Variants in SHROOM4 observed in about 807,000 individuals in gnomAD.
SHROOM4 encodes shroom family member 4, also known as protein Shroom4.
Under a neutral mutation model 80.3 loss-of-function variants are expected in SHROOM4, and 17 were observed. The ratio of observed to expected loss-of-function variants is 0.21; its 90% CI spans 0.14 to 0.32. The LOEUF (loss-of-function observed/expected upper bound fraction) is 0.32, where lower values mean the gene tolerates loss of function less well. Among genes scored for constraint, SHROOM4 ranks in the 10% least tolerant of loss-of-function variants. SHROOM4 has a pLI of 1.00. For synonymous variants in SHROOM4, 400 were observed against 437.5 expected, an observed-to-expected ratio of 0.91 and a Z score of 1.07; for missense variants, 993 against 1,140.3, an observed-to-expected ratio of 0.87 and a Z score of 1.86.
intron 5 of SHROOM4, among the ~76,000 whole-genome samples, chrX:50,618,366 T>C (rs1442158066): frequency 1.7e-4 from 6 of 34,513 alleles, no homozygotes; most frequent in Admixed American, 3.3e-4. Context: ...CTTCCTTCCT[T>C]CCTTCCTTCC....
At position 50,750,237 on chromosome X, in the gene SHROOM4, A is replaced by G. The variant is rs1157438259; in HGVS notation, c.118-54300T>C. ...CATGCGTTTCCAGCAGGAAGTGTCC[A>G]AAGGGCTTCAGTCAGGAATCCTTAC... is the stretch of plus-strand genomic sequence containing the variant. On this transcript the variant is annotated intron_variant, in intron 1 of 8. Transcript: ENST00000376020. 3.6e-5 allele frequency among the ~76,000 whole-genome samples: 4 copies of G among 112,036 alleles called. No individual in the cohort carries two copies. The East Asian group carries it at 1.1e-3, about 32-fold the overall frequency.
chrX:50,651,329 C>G (rs1303661424), intron 2 of SHROOM4, among the ~76,000 whole-genome samples: 1 of 112,186 alleles, frequency 8.9e-6, no homozygotes, highest in East Asian at 2.8e-4. Flanking sequence ...CCATTTCATT[C>G]TCATAACCTT....
At chrX:50,734,416 CTTAT>C (rs1474585437) in intron 1 of SHROOM4, among the ~76,000 whole-genome samples, 1 of 110,368 alleles carries the variant, frequency 9.1e-6, no homozygotes, top group Non-Finnish European at 1.9e-5. Flanking sequence ...TTTCTTTTTT[CTTAT>C]TTATTTATTT....
At chrX:50,584,804 A>G (rs1419474256), downstream of SHROOM4, among the ~76,000 whole-genome samples, 4 of 111,011 alleles carry the variant, frequency 3.6e-5, no homozygotes, top group African/African-American at 1.3e-4. Context: ...GGAGGGGAAA[A>G]TCAAATGTTT....
rs375515632 is a variant in SHROOM4 at position 50,695,750 on chromosome X, C to G, written c.269+36G>C. The G allele has an allele frequency of 1.7e-5, 21 of 1,201,874 alleles. No homozygotes were observed. In the African/African-American group the frequency reaches 3.2e-4, roughly 18 times the overall value. On this transcript the variant is annotated intron_variant, in intron 2 of 8. Coordinates refer to ENST00000376020, the MANE Select transcript of SHROOM4 (RefSeq NM_020717.5). ...TTTATTACCAACCAAGTTTCAGTGGCCTCTGCACCTTACGGAGAATCTCCC... is the reference window on the plus strand; with the variant it reads ...TTTATTACCAACCAAGTTTCAGTGGGCTCTGCACCTTACGGAGAATCTCCC...
chrX:50,607,964 C>T lies in SHROOM4; in HGVS notation c.3178G>A (p.Glu1060Lys), dbSNP rs1168007152. ...PHPLRSRAFS[E>K]SHISLAPQST... The stretch of plus-strand genomic sequence containing the variant: ...TGGGGCGCCAAGCTGATGTGACTCT[C>T]TGAGAAGGCACGGCTGCGCAGTGGG... The change falls in exon 6 of 9, where the codon GAG (glutamate) becomes AAG (lysine). Residue 1060 changes from glutamate (E) to lysine (K), a missense_variant. By Grantham distance (56) the Glu-to-Lys change is moderately conservative. Transcript: ENST00000376020. The T allele has an allele frequency of 8.3e-7, 1 of 1,210,271 alleles. No individual in the cohort carries two copies. Among genetic ancestry groups the T allele is most frequent in the Non-Finnish European group, 1.1e-6 (1 of 895,338 alleles).
intron 1 of SHROOM4, among the ~76,000 whole-genome samples, chrX:50,760,640 A>AT (rs1214676469): frequency 7.3e-5 from 8 of 109,969 alleles, no homozygotes; most frequent in Non-Finnish European, 1.1e-4. Context: ...ACCTGACAAC[A>AT]TTTTTTTTTG....
intron 1 of SHROOM4, among the ~76,000 whole-genome samples, chrX:50,772,034 GTGTGTA>G (rs1400941988): frequency 4.0e-5 from 4 of 100,712 alleles, no homozygotes; most frequent in Non-Finnish European, 8.5e-5. Context: ...GTGTGTGTGT[GTGTGTA>G]TAAACATGGA....
At chrX:50,707,281 T>C (rs1054345087) in intron 1 of SHROOM4, among the ~76,000 whole-genome samples, 54 of 112,159 alleles carry the variant, frequency 4.8e-4, no homozygotes, top group African/African-American at 1.6e-3. Context: ...GTTCAGTGGG[T>C]TTAGTATTTT....
At chrX:50,605,401 T>C (rs781994658) in intron 6 of SHROOM4, among the ~76,000 whole-genome samples, 3 of 112,507 alleles carry the variant, frequency 2.7e-5, no homozygotes, top group Non-Finnish European at 3.8e-5. Context: ...CAAAGGAGCA[T>C]CTAATTGATT....
chrX:50,630,120 C>T (rs1557253837), intron 4 of SHROOM4, among the ~76,000 whole-genome samples: 1 of 111,177 alleles, frequency 9.0e-6, no homozygotes, highest in African/African-American at 3.3e-5. Flanking sequence ...CACAGCCTCA[C>T]CCGCATGCAT....
rs143023141 is a variant in SHROOM4, at chrX:50,747,140, C to G, written c.118-51203G>C. 7.1e-3 allele frequency among the ~76,000 whole-genome samples: 791 copies of G among 111,867 alleles called. 11 individuals are homozygous for G. Among genetic ancestry groups the G allele is most frequent in the African/African-American group, 0.025 (767 of 30,753 alleles). ...GAGAAACTGAAACTCAGATCTGACACTTAGGTTACCCTCTATCCACTGTAC... is the reference window on the plus strand; with the variant it reads ...GAGAAACTGAAACTCAGATCTGACAGTTAGGTTACCCTCTATCCACTGTAC... On this transcript the variant is annotated intron_variant, in intron 1 of 8. Coordinates refer to ENST00000376020, the MANE Select transcript of SHROOM4 (RefSeq NM_020717.5).
intron 1 of SHROOM4, among the ~76,000 whole-genome samples, chrX:50,729,352 G>A (rs1457349065): frequency 9.0e-6 from 1 of 111,637 alleles, no homozygotes; most frequent in East Asian, 2.8e-4. Flanking sequence ...TAGCATTCTG[G>A]AGTTGAAAAT....
At chrX:50,798,715 A>C (rs1557272325) in intron 1 of SHROOM4, among the ~76,000 whole-genome samples, 1 of 111,524 alleles carries the variant, frequency 9.0e-6, no homozygotes, top group Non-Finnish European at 1.9e-5. Context: ...AGTAGAGATG[A>C]GAAGATTAGA....
rs1364940635 is a variant in SHROOM4, at chrX:50,590,187, T to C, written c.*6508A>G. On this transcript the variant is annotated 3_prime_UTR_variant, in exon 9 of 9. Transcript: ENST00000376020. Reference sequence around the variant, plus strand: ...GAGAGGTAAATTGGTTTAGATGAAGTCACAAGAGTAGGCATTCATAATGAA... The same window carrying C: ...GAGAGGTAAATTGGTTTAGATGAAGCCACAAGAGTAGGCATTCATAATGAA... 1.8e-5 allele frequency among the ~76,000 whole-genome samples: 2 copies of C among 111,179 alleles called. No individual in the cohort carries two copies. Among genetic ancestry groups the C allele is most frequent in the Non-Finnish European group, 3.8e-5 (2 of 53,016 alleles).
Position 50,607,396 on chromosome X carries a change from G to C in SHROOM4, c.3746C>G (p.Ala1249Gly), listed in dbSNP as rs1929712372. The change falls in exon 6 of 9, where the codon GCC becomes GGC. Residue 1249 changes from alanine to glycine, a missense_variant. Ala to Gly is a moderately conservative substitution (Grantham distance 60). Coordinates refer to ENST00000376020, the MANE Select transcript of SHROOM4 (RefSeq NM_020717.5). ...GGLWRTSGQEATESAKQEFQH... is the reference protein window; with the variant it reads ...GGLWRTSGQEGTESAKQEFQH... ...ATGTACTTACTTGGCGGATTCAGTG[G>C]CTTCCTGTCCCGATGTCCTCCAAAG... 7 of 1,211,318 alleles carry C rather than the reference G, an allele frequency of 5.8e-6. No individual in the cohort carries two copies. In the African/African-American group the frequency reaches 8.7e-5, roughly 15 times the overall value.
intron 1 of SHROOM4, among the ~76,000 whole-genome samples, chrX:50,711,349 G>T (rs781914288): frequency 2.4e-4 from 27 of 111,856 alleles, no homozygotes; most frequent in Non-Finnish European, 4.5e-4. Flanking sequence ...CACCAACAGA[G>T]ATTCTGGTTC....
chrX:50,677,038 A>G (rs1932863520), intron 2 of SHROOM4, among the ~76,000 whole-genome samples: 1 of 111,937 alleles, frequency 8.9e-6, no homozygotes, highest in Admixed American at 9.5e-5. Context: ...GTGGAAGGAC[A>G]AAGAATGGTG....
intron 1 of SHROOM4, among the ~76,000 whole-genome samples, chrX:50,741,665 G>T (rs915794457): frequency 1.8e-5 from 2 of 110,929 alleles, no homozygotes; most frequent in African/African-American, 6.5e-5. Flanking sequence ...AATGACTAAT[G>T]ATATTGAGCA....
Sources: gnomAD v4.1 joint callset for allele counts (sites outside exome capture counted in the v4.1 genomes callset) on GRCh38, gnomAD v4.1.1 for gene constraint, MANE v1.5 for transcripts, NCBI Gene and HGNC (gene_info 2026-07-23, HGNC 2026-07-21) for gene names.